Variants in GRTP1 observed in about 807,000 individuals in gnomAD.
The protein encoded by GRTP1 is growth hormone regulated TBC protein 1.
A neutral mutation model predicts 38.1 loss-of-function variants in GRTP1; 56 were observed. The observed-to-expected ratio is 1.47, with a 90% CI of 1.19 to 1.84. The LOEUF (loss-of-function observed/expected upper bound fraction) is 1.84, where lower values mean the gene tolerates loss of function less well. GRTP1 is among the 40% of genes most tolerant of loss of function. GRTP1 has a pLI of 0.00. For missense variants in GRTP1, 506 were observed against 453.9 expected (o/e 1.11, Z -1.04); for synonymous variants, 217 against 189.5 (o/e 1.14, Z -1.19).
At chr13:113,359,817 A>G (rs1299726429) in intron 2 of GRTP1, 1 of 152,316 alleles carries the variant, frequency 6.6e-6, no homozygotes. Context: ...CGACTTTTTG[A>G]TAAGTTTGTT....
chr13:113,341,591 C>T (rs1595488884), intron 5 of GRTP1, among the ~76,000 whole-genome samples: 1 of 152,118 alleles, frequency 6.6e-6, no homozygotes, highest in East Asian at 1.9e-4. Flanking sequence ...TCAGTCTTAC[C>T]AGAGGTTTGT....
chr13:113,352,362 A>ATATATATTTATATATATTT (rs2043300019), intron 3 of GRTP1, among the ~76,000 whole-genome samples: 1 of 80,850 alleles, frequency 1.2e-5, no homozygotes, highest in Non-Finnish European at 2.2e-5. Flanking sequence ...TATATATTTT[A>ATATATATTTATATATATTT]TATATATATA....
chr13:113,325,140 T>G, intron 7 of GRTP1: 1 of 1,026,544 alleles, frequency 9.7e-7, no homozygotes, highest in Non-Finnish European at 1.2e-6. Context: ...AACATGGTCT[T>G]CTCTTTGATG....
Position 113,347,502 on chromosome 13 carries a change from GAGAGCGGACCCA to G in GRTP1, c.466-2555_466-2544del, listed in dbSNP as rs1566432363. On this transcript the variant is annotated intron_variant, in intron 4 of 7. Transcript: ENST00000375431. Reference sequence around the variant, plus strand: ...CAGACCTGGGAGGACCTCTGTGGCCGAGAGCGGACCCAGGAGCACCTCTGTGGCTGAGCGGAT... The same window carrying G: ...CAGACCTGGGAGGACCTCTGTGGCCGGGAGCACCTCTGTGGCTGAGCGGAT... 8.1e-4 allele frequency among the ~76,000 whole-genome samples: 43 copies of G among 52,896 alleles called. 2 individuals carry two copies. The highest frequency in any genetic ancestry group is 2.0e-3 in the South Asian group (3 of 1,468). The allele number at this position is 52,896 out of a possible 152,430, so 34.7% of individuals were successfully genotyped here.
intron 5 of GRTP1, among the ~76,000 whole-genome samples, chr13:113,341,757 T>C (rs961568006): frequency 6.6e-6 from 1 of 152,198 alleles, no homozygotes; most frequent in African/African-American, 2.4e-5. Flanking sequence ...ATGATAACAG[T>C]TACCTCTGAG....
At chr13:113,360,809 C>T (rs1282246873) in intron 2 of GRTP1, among the ~76,000 whole-genome samples, 1 of 152,188 alleles carries the variant, frequency 6.6e-6, no homozygotes, top group East Asian at 1.9e-4. Flanking sequence ...TTACATGGTC[C>T]ACTTAACATT....
chr13:113,355,218 G>C, intron 3 of GRTP1, 105 bp downstream of exon 3: 3 of 1,129,182 alleles, frequency 2.7e-6, no homozygotes, highest in Non-Finnish European at 2.5e-6. Context: ...GTTAAAAGCA[G>C]CAGGCGCACC....
rs191713874 is a variant in GRTP1, at chr13:113,330,060, C to T, written c.563-3969G>A. 2.9e-3 allele frequency among the ~76,000 whole-genome samples: 366 copies of T among 128,066 alleles called. 1 individual carries two copies. Among genetic ancestry groups the T allele is most frequent in the Non-Finnish European group, 4.7e-3 (287 of 61,268 alleles). The allele number at this position is 128,066 out of a possible 152,430, so 84.0% of individuals were successfully genotyped here. Reference sequence around the variant, plus strand: ...AGGTGCCTGCATGGAAACCCGGGTGCGTGCATGGAAACCCGGGTGCGTGCA... The same window carrying T: ...AGGTGCCTGCATGGAAACCCGGGTGTGTGCATGGAAACCCGGGTGCGTGCA... On this transcript the variant is annotated intron_variant, in intron 5 of 7. Transcript: ENST00000375431.
At chr13:113,327,018 AT>A (rs1328600132) in intron 5 of GRTP1, among the ~76,000 whole-genome samples, 9 of 152,220 alleles carry the variant, frequency 5.9e-5, no homozygotes, top group African/African-American at 2.2e-4. Flanking sequence ...CATGGGTAAG[AT>A]GGTACATTCT....
At chr13:113,350,514 T>TACACACCCCACAGCAC (rs60065463) in intron 4 of GRTP1, among the ~76,000 whole-genome samples, 37,122 of 124,714 alleles carry the variant, frequency 0.3, 5,603 homozygotes, top group East Asian at 0.55. Context: ...CCTTCCAGCA[T>TACACACCCCACAGCAC]ACACACCCCA....
intron 3 of GRTP1, among the ~76,000 whole-genome samples, chr13:113,354,041 A>T (rs1303374184): frequency 6.6e-6 from 1 of 151,994 alleles, no homozygotes; most frequent in Non-Finnish European, 1.5e-5. Context: ...GCACCACTAC[A>T]CTCCAGTCTG....
intron 5 of GRTP1, among the ~76,000 whole-genome samples, chr13:113,330,505 TGGGAGCCCAGGTGTGTGC>T (rs2042848451): frequency 7.1e-6 from 1 of 140,270 alleles, no homozygotes. Flanking sequence ...GGTGTGTGCA[TGGGAGCCCAGGTGTGTGC>T]ATGGAAACCC....
At chr13:113,357,441 C>CAAAA (rs368660991) in intron 2 of GRTP1, among the ~76,000 whole-genome samples, 20,006 of 97,168 alleles carry the variant, frequency 0.21, 2,974 homozygotes, top group East Asian at 0.48. Flanking sequence ...GACACTGCCT[C>CAAAA]AAAAAAAAAA....
At chr13:113,336,551 G>C (rs1254381232) in intron 5 of GRTP1, among the ~76,000 whole-genome samples, 2 of 152,130 alleles carry the variant, frequency 1.3e-5, no homozygotes, top group African/African-American at 4.8e-5. Context: ...GCCGTGGTTG[G>C]GGGCGAGGTG....
intron 7 of GRTP1, chr13:113,324,827 GA>G: frequency 8.4e-7 from 1 of 1,197,042 alleles, no homozygotes; most frequent in Non-Finnish European, 1.0e-6. Flanking sequence ...GCTTCCATTA[GA>G]CTTTTTTTTT....
At chr13:113,355,276 T>C (rs1418402621) in intron 3 of GRTP1, 47 bp downstream of exon 3, 2 of 1,598,304 alleles carry the variant, frequency 1.3e-6, no homozygotes, top group Non-Finnish European at 8.5e-7. Context: ...AACCGGTTCC[T>C]TCCGGCCCCC....
intron 5 of GRTP1, among the ~76,000 whole-genome samples, chr13:113,330,223 G>A (rs2042840560): frequency 6.7e-6 from 1 of 148,314 alleles, no homozygotes; most frequent in African/African-American, 2.5e-5. Flanking sequence ...CCAGGTGCGT[G>A]GATGGAAACC....
At chr13:113,325,136 G>T (rs1391447524) in intron 7 of GRTP1, 3 of 1,024,552 alleles carry the variant, frequency 2.9e-6, no homozygotes, top group Non-Finnish European at 3.5e-6. Flanking sequence ...GGCCAACATG[G>T]TCTTCTCTTT....
chr13:113,364,099 G>A lies in GRTP1; in HGVS notation c.-48C>T. 2 of 1,226,646 alleles carry A rather than the reference G, an allele frequency of 1.6e-6. No homozygotes were observed. Among genetic ancestry groups the A allele is most frequent in the Non-Finnish European group, 2.0e-6 (2 of 990,096 alleles). The allele number at this position is 1,226,646 out of a possible 1,614,324, so 76.0% of individuals were successfully genotyped here. On this transcript the variant is annotated 5_prime_UTR_variant, in exon 1 of 8. Coordinates refer to ENST00000375431, the MANE Select transcript of GRTP1 (RefSeq NM_024719.4). The stretch of plus-strand genomic sequence containing the variant: ...AGCGAGGCCAGCGGGTCCCAAGTTC[G>A]CCTCCCGGCTCCGGGGCGCTTAAGT...
Sources: allele counts gnomAD v4.1 joint callset (sites outside exome capture counted in the v4.1 genomes callset), GRCh38; gene constraint gnomAD v4.1.1; transcripts MANE v1.5; gene names NCBI Gene and HGNC (gene_info 2026-07-23, HGNC 2026-07-21).